ZFHX3: variants seen among roughly 807,000 people sequenced by gnomAD.
ZFHX3 encodes the protein zinc finger homeobox protein 3.
Under a neutral mutation model 279.1 loss-of-function variants are expected in ZFHX3, and 42 were observed. The ratio of observed to expected loss-of-function variants is 0.15; its 90% confidence interval spans 0.12 to 0.19. The LOEUF (loss-of-function observed/expected upper bound fraction) is 0.19, where lower values mean the gene tolerates loss of function less well. ZFHX3 is among the 10% of genes least tolerant of loss of function. ZFHX3 has a pLI of 1.00. For synonymous variants in ZFHX3, 2,293 were observed against 1,957.8 expected, an observed-to-expected ratio of 1.17 and a Z score of -4.52; for missense variants, 4,981 against 4,754.0, an observed-to-expected ratio of 1.05 and a Z score of -1.40.
At chr16:72,836,054 G>A (rs980629308) in intron 4 of ZFHX3, among the ~76,000 whole-genome samples, 1 of 152,110 alleles carries the variant, frequency 6.6e-6, no homozygotes. Flanking sequence ...AACTTTTAAC[G>A]GAACACAATC....
intron 8 of ZFHX3, among the ~76,000 whole-genome samples, chr16:73,090,784 AT>A (rs1966065820): frequency 6.6e-6 from 1 of 151,524 alleles, no homozygotes. Context: ...ACTGGTGTGC[AT>A]CTGTAGTCCT....
chr16:73,772,147 C>A (rs1419252229), intron 1 of ZFHX3, among the ~76,000 whole-genome samples: 2 of 152,196 alleles, frequency 1.3e-5, no homozygotes, highest in East Asian at 3.9e-4. Context: ...TCGCCACAGA[C>A]CTTTCCTTTG....
At chr16:73,667,315 C>T (rs1418013521) in intron 2 of ZFHX3, among the ~76,000 whole-genome samples, 3 of 152,170 alleles carry the variant, frequency 2.0e-5, no homozygotes, top group Non-Finnish European at 4.4e-5. Context: ...TATCCATTCA[C>T]TAGTTGAAGG....
intron 1 of ZFHX3, among the ~76,000 whole-genome samples, chr16:73,695,343 TCTCCTGC>T (rs1201951598): frequency 6.6e-6 from 1 of 150,998 alleles, no homozygotes; most frequent in East Asian, 2.0e-4. Context: ...TTCAAGCAAT[TCTCCTGC>T]CTCAGCCTCC....
intron 5 of ZFHX3, among the ~76,000 whole-genome samples, chr16:73,159,413 C>T (rs755888946): frequency 6.6e-6 from 1 of 152,118 alleles, no homozygotes; most frequent in Non-Finnish European, 1.5e-5. Context: ...GCTAAGGTGA[C>T]ACAAACCCAA....
chr16:73,032,498 C>T lies in ZFHX3; in HGVS notation c.-50+15254G>A, dbSNP rs79260497. Among the ~76,000 whole-genome samples the T allele has an allele frequency of 5.8e-3, 877 of 152,248 alleles. 7 individuals carry two copies. The highest frequency in any genetic ancestry group is 0.02 in the African/African-American group (837 of 41,542). On this transcript the variant is annotated intron_variant, in intron 1 of 9. Transcript: ENST00000268489. ...AGGATTTCTCAACGCCATAGTCAGA[C>T]TTCACGAGCGCATGCGACAAAGTAA...
chr16:73,580,634 A>G (rs1394075869), intron 2 of ZFHX3, among the ~76,000 whole-genome samples: 1 of 151,716 alleles, frequency 6.6e-6, no homozygotes, highest in Non-Finnish European at 1.5e-5. Flanking sequence ...CCTATCTTTC[A>G]GGGTAAGGAG....
chr16:73,635,107 T>C (rs983319406), intron 2 of ZFHX3, among the ~76,000 whole-genome samples: 2 of 152,122 alleles, frequency 1.3e-5, no homozygotes, highest in African/African-American at 4.8e-5. Context: ...GTGGAAGAGG[T>C]AGAGGAGAAA....
chr16:73,659,494 A>G (rs1356618099), intron 2 of ZFHX3, among the ~76,000 whole-genome samples: 1 of 151,966 alleles, frequency 6.6e-6, no homozygotes, highest in Admixed American at 6.6e-5. Context: ...TAATTCCTAA[A>G]TGTTACCCTC....
chr16:73,214,724 A>G (rs905576345), intron 5 of ZFHX3, among the ~76,000 whole-genome samples: 4 of 152,012 alleles, frequency 2.6e-5, no homozygotes. Flanking sequence ...AATACAACTC[A>G]ACACAAGAGC....
At chr16:73,139,598 A>C (rs1966841100) in intron 6 of ZFHX3, among the ~76,000 whole-genome samples, 2 of 152,266 alleles carry the variant, frequency 1.3e-5, no homozygotes, top group Non-Finnish European at 2.9e-5. Context: ...TCCAAACCCA[A>C]AAATTTCCCA....
At chr16:73,094,757 T>C (rs565714020) in intron 7 of ZFHX3, among the ~76,000 whole-genome samples, 30 of 152,270 alleles carry the variant, frequency 2.0e-4, no homozygotes, top group Non-Finnish European at 3.5e-4. Flanking sequence ...TTGCCCAGGC[T>C]GGAGTGCAGA....
chr16:73,299,796 T>C (rs1408559888), intron 4 of ZFHX3, among the ~76,000 whole-genome samples: 2 of 152,140 alleles, frequency 1.3e-5, no homozygotes, highest in Non-Finnish European at 2.9e-5. Flanking sequence ...CAAAAGGTAA[T>C]GAGAAGCATG....
intron 3 of ZFHX3, among the ~76,000 whole-genome samples, chr16:73,429,149 G>A (rs2017865299): frequency 6.6e-6 from 1 of 152,014 alleles, no homozygotes; most frequent in Non-Finnish European, 1.5e-5. Flanking sequence ...GCCATATCTA[G>A]CAACTCTCCC....
At chr16:73,382,213 C>T (rs529026180) in intron 3 of ZFHX3, among the ~76,000 whole-genome samples, 4 of 152,170 alleles carry the variant, frequency 2.6e-5, no homozygotes, top group African/African-American at 7.2e-5. Flanking sequence ...GATTATATTA[C>T]GAAGGGTATC....
At chr16:73,658,489 G>C (rs2052745785) in intron 2 of ZFHX3, among the ~76,000 whole-genome samples, 1 of 152,114 alleles carries the variant, frequency 6.6e-6, no homozygotes, top group South Asian at 2.1e-4. Flanking sequence ...TTCTGATAGA[G>C]ACAGGTTTTC....
chr16:73,665,212 CT>C (rs11410802), intron 2 of ZFHX3, among the ~76,000 whole-genome samples: 38 of 138,494 alleles, frequency 2.7e-4, no homozygotes, highest in Admixed American at 4.4e-4. Context: ...CATCATTGCA[CT>C]TTTTTTTTTT....
chr16:73,524,605 C>T (rs1452569016), intron 2 of ZFHX3, among the ~76,000 whole-genome samples: 3 of 152,200 alleles, frequency 2.0e-5, no homozygotes, highest in Admixed American at 1.3e-4. Context: ...CTCAACGCAT[C>T]TCATTTCTCT....
At chr16:73,417,549 A>T (rs907150212) in intron 3 of ZFHX3, among the ~76,000 whole-genome samples, 1 of 151,682 alleles carries the variant, frequency 6.6e-6, no homozygotes, top group Admixed American at 6.6e-5. Context: ...TAATTTTGAT[A>T]GTTGCACCAC....
Sources: gnomAD v4.1 joint callset for allele counts (sites outside exome capture counted in the v4.1 genomes callset) on GRCh38, gnomAD v4.1.1 for gene constraint, MANE v1.5 for transcripts, NCBI Gene and HGNC (gene_info 2026-07-23, HGNC 2026-07-21) for gene names.